EPHX1: variants seen among roughly 807,000 people sequenced by gnomAD.
EPHX1 encodes the protein epoxide hydratase.
EPHX1 carries 40 observed loss-of-function variants against 43.2 expected under a neutral mutation model. That is an observed-to-expected ratio of 0.93 (90% CI 0.72 to 1.21). The LOEUF is 1.21. Among genes scored for constraint, EPHX1 ranks in the 50% most tolerant of loss-of-function variants. The pLI is 0.00. For missense variants in EPHX1, 550 were observed against 570.4 expected (o/e 0.96, Z 0.36); for synonymous variants, 221 against 226.7 (o/e 0.98, Z 0.22).
intron 1 of EPHX1, among the ~76,000 whole-genome samples, chr1:225,811,588 T>C (rs1354766076): frequency 6.6e-6 from 1 of 152,196 alleles, no homozygotes; most frequent in Non-Finnish European, 1.5e-5. Flanking sequence ...CTCCTCTGCA[T>C]CCAGCATAAT....
rs1188438619 is a variant in EPHX1, at chr1:225,839,905, C to T, written c.799C>T (p.Arg267Cys). The T allele has an allele frequency of 1.9e-6, 3 of 1,614,102 alleles. No homozygotes were observed. Among genetic ancestry groups the T allele is most frequent in the African/African-American group, 1.3e-5 (1 of 74,932 alleles). ...FSTLTLLLGQ[R>C]FGRFLGLTER... The stretch of plus-strand genomic sequence containing the variant: ...TACCCTGACCCTCCTCCTGGGACAG[C>T]GTTTCGGGAGGTTTCTTGGCCTCAC... The change falls in exon 6 of 9, where the codon CGT (arginine) becomes TGT (cysteine). Residue 267 changes from arginine (R) to cysteine (C), a missense_variant. Coordinates refer to ENST00000272167, the MANE Select transcript of EPHX1 (RefSeq NM_001136018.4).
chr1:225,818,926 T>TAAA (rs546153231), intron 1 of EPHX1, among the ~76,000 whole-genome samples: 43 of 95,562 alleles, frequency 4.5e-4, no homozygotes, highest in South Asian at 1.6e-3. Flanking sequence ...CTGTCTCCAT[T>TAAA]AAAAAAAAAA....
At chr1:225,818,099 A>T (rs1666808977) in intron 1 of EPHX1, among the ~76,000 whole-genome samples, 1 of 152,096 alleles carries the variant, frequency 6.6e-6, no homozygotes, top group South Asian at 2.1e-4. Flanking sequence ...CATGCCACCT[A>T]CTCAGCCCTC....
Position 225,831,887 on chromosome 1 carries a change from C to T in EPHX1, c.292C>T (p.Arg98Trp), listed in dbSNP as rs758998279. 8.1e-6 allele frequency: 13 copies of T among 1,614,004 alleles called. No homozygotes were observed. The highest frequency in any genetic ancestry group is 2.7e-5 in the African/African-American group (2 of 74,880). Residue 98 changes from arginine (R) to tryptophan (W), a missense_variant, in exon 3 of 9, where the codon CGG (arginine) becomes TGG (tryptophan). Transcript: ENST00000272167. ...NYLKKVISYW[R>W]NEFDWKKQVE... ...CCTGAAGAAAGTCATCTCCTACTGGCGGAATGAATTTGACTGGAAGAAGCA... is the reference window on the plus strand; with the variant it reads ...CCTGAAGAAAGTCATCTCCTACTGGTGGAATGAATTTGACTGGAAGAAGCA...
chr1:225,836,755 A>G (rs981258194), intron 3 of EPHX1, among the ~76,000 whole-genome samples: 4 of 152,224 alleles, frequency 2.6e-5, no homozygotes, highest in African/African-American at 9.7e-5. Flanking sequence ...GCAGAAGCAG[A>G]GAGGAGAAGG....
At chr1:225,812,327 A>T (rs913688764) in intron 1 of EPHX1, among the ~76,000 whole-genome samples, 1 of 152,226 alleles carries the variant, frequency 6.6e-6, no homozygotes, top group Non-Finnish European at 1.5e-5. Flanking sequence ...GACAAGCCAC[A>T]TGCTCTCTGC....
At chr1:225,828,354 C>A (rs905904620) in intron 1 of EPHX1, among the ~76,000 whole-genome samples, 1 of 150,582 alleles carries the variant, frequency 6.6e-6, no homozygotes, top group Non-Finnish European at 1.5e-5. Context: ...AAAAAAAAAA[C>A]AACATGAGGC....
In EPHX1 at chr1:225,839,237, G is replaced by T; in HGVS notation, c.613G>T (p.Ala205Ser). ...SKKGFNSVAT[A>S]RIFYKLMLRL... ...GCCAGGGTTCAACTCGGTGGCCACC[G>T]CCAGGATCTTTTACAAGCTGATGCT... The change falls in exon 5 of 9, where the codon GCC (alanine) becomes TCC (serine). Residue 205 changes from alanine to serine, a missense_variant. Ala to Ser is a moderately conservative substitution (Grantham distance 99). Transcript: ENST00000272167. 1 of 1,614,038 alleles carries T rather than the reference G, an allele frequency of 6.2e-7. No individual in the cohort carries two copies. The highest frequency in any genetic ancestry group is 1.7e-5 in the Admixed American group (1 of 60,014).
intron 3 of EPHX1, among the ~76,000 whole-genome samples, chr1:225,833,081 C>A (rs1667707412): frequency 6.6e-6 from 1 of 152,206 alleles, no homozygotes; most frequent in Non-Finnish European, 1.5e-5. Context: ...CAGCCTCGAA[C>A]TCCTGGGCTC....
At chr1:225,830,883 C>G (rs1414033632) in intron 2 of EPHX1, among the ~76,000 whole-genome samples, 1 of 152,202 alleles carries the variant, frequency 6.6e-6, no homozygotes, top group African/African-American at 2.4e-5. Flanking sequence ...GCACAGCGCC[C>G]ATGCCAAGAA....
intron 3 of EPHX1, among the ~76,000 whole-genome samples, chr1:225,834,097 CAA>C (rs377164975): frequency 1.8e-5 from 1 of 56,922 alleles, no homozygotes. Context: ...GACTCTGTCT[CAA>C]AAAAAAAAAA....
At position 225,831,824 on chromosome 1, in the gene EPHX1, G is replaced by A; in HGVS notation, c.229G>A (p.Glu77Lys). 6.2e-7 allele frequency: 1 copy of A among 1,614,166 alleles called. No homozygotes were observed. The highest frequency in any genetic ancestry group is 8.5e-7 in the Non-Finnish European group (1 of 1,180,036). Residue 77 changes from glutamate (E) to lysine (K), a missense_variant, in exon 3 of 9, where the codon GAG becomes AAG. Coordinates refer to ENST00000272167, the MANE Select transcript of EPHX1 (RefSeq NM_001136018.4). ...TAAGTTCCGTTTCACCCCACCTTTGGAGGACAGCTGCTTCCACTATGGCTT... is the reference window on the plus strand; with the variant it reads ...TAAGTTCCGTTTCACCCCACCTTTGAAGGACAGCTGCTTCCACTATGGCTT... ...IDKFRFTPPL[E>K]DSCFHYGFNS...
At chr1:225,844,023 A>G (rs1021669537) in intron 7 of EPHX1, among the ~76,000 whole-genome samples, 55 of 152,250 alleles carry the variant, frequency 3.6e-4, no homozygotes, top group Non-Finnish European at 2.9e-5. Flanking sequence ...TGCATCCTGG[A>G]CCCAAGCTGG....
At chr1:225,816,842 A>G (rs1304693299) in intron 1 of EPHX1, among the ~76,000 whole-genome samples, 1 of 152,202 alleles carries the variant, frequency 6.6e-6, no homozygotes, top group African/African-American at 2.4e-5. Flanking sequence ...TCCCTCAACC[A>G]CATTGGCATC....
At chr1:225,839,401 G>GTGTGTC (rs762355068) in intron 5 of EPHX1, 55 bp downstream of exon 5, 1 of 1,582,672 alleles carries the variant, frequency 6.3e-7, no homozygotes, top group Non-Finnish European at 8.6e-7. Context: ...GTGTGTGTGT[G>GTGTGTC]TCCTCTAAGA....
chr1:225,835,496 T>C (rs1344492459), intron 3 of EPHX1, among the ~76,000 whole-genome samples: 3 of 150,268 alleles, frequency 2.0e-5, no homozygotes, highest in African/African-American at 7.4e-5. Flanking sequence ...TTCACGCCAT[T>C]CTCCTGCCTC....
chr1:225,845,108 C>A, intron 8 of EPHX1, 38 bp from the exon 9 acceptor site: 1 of 1,607,920 alleles, frequency 6.2e-7, no homozygotes, highest in South Asian at 1.1e-5. Context: ...GGGCGCAGGG[C>A]CACAGCCTCA....
chr1:225,822,227 T>C (rs934552398), intron 1 of EPHX1, among the ~76,000 whole-genome samples: 5 of 152,160 alleles, frequency 3.3e-5, no homozygotes, highest in Admixed American at 3.3e-4. Flanking sequence ...TATCTTCCAG[T>C]CACGTTTTTA....
intron 1 of EPHX1, among the ~76,000 whole-genome samples, chr1:225,822,379 A>C (rs1667016679): frequency 6.6e-6 from 1 of 152,078 alleles, no homozygotes; most frequent in Non-Finnish European, 1.5e-5. Flanking sequence ...TCCTGCACAA[A>C]CTCTCAGCCC....
Sources: gnomAD v4.1 joint callset for allele counts (sites outside exome capture counted in the v4.1 genomes callset) on GRCh38, gnomAD v4.1.1 for gene constraint, MANE v1.5 for transcripts, NCBI Gene and HGNC (gene_info 2026-07-23, HGNC 2026-07-21) for gene names.